NEDD4L: variants seen among roughly 807,000 people sequenced by gnomAD.
The protein encoded by NEDD4L is E3 ubiquitin-protein ligase NEDD4-like.
Under a neutral mutation model 148.9 loss-of-function variants are expected in NEDD4L, and 54 were observed. The observed-to-expected ratio is 0.36, with a 90% CI of 0.29 to 0.45. NEDD4L has a LOEUF of 0.45. NEDD4L is among the 20% of genes least tolerant of loss of function. NEDD4L has a pLI of 1.00. For synonymous variants in NEDD4L, 433 were observed against 440.7 expected (o/e 0.98, Z 0.22); for missense variants, 856 against 1,233.8 (o/e 0.69, Z 4.59).
chr18:58,152,411 T>C lies in NEDD4L; in HGVS notation c.49-13377T>C, dbSNP rs535838867. 9.5e-4 allele frequency among the ~76,000 whole-genome samples: 144 copies of C among 152,320 alleles called. 1 individual carries two copies. Among genetic ancestry groups the C allele is most frequent in the African/African-American group, 3.3e-3 (138 of 41,586 alleles). On this transcript the variant is annotated intron_variant, in intron 1 of 30. Coordinates refer to ENST00000400345, the MANE Select transcript of NEDD4L (RefSeq NM_001144967.3). ...GGTGGAGATAAAGATCTGGGAGATC[T>C]ACAGATACGGATCATCTGCATTTGG...
chr18:58,102,196 T>A (rs2145507432), intron 1 of NEDD4L, among the ~76,000 whole-genome samples: 1 of 152,336 alleles, frequency 6.6e-6, no homozygotes, highest in Middle Eastern at 3.4e-3. Flanking sequence ...TGCATTTGAA[T>A]ACATTTCCAT....
At chr18:58,142,040 CTTTTTTTTTTT>C (rs552184742) in intron 1 of NEDD4L, among the ~76,000 whole-genome samples, 6 of 41,858 alleles carry the variant, frequency 1.4e-4, no homozygotes, top group South Asian at 1.0e-3. Context: ...AAATTTCTTT[CTTTTTTTTTTT>C]TTTTTTTTTT....
intron 2 of NEDD4L, among the ~76,000 whole-genome samples, chr18:58,174,044 G>A (rs568125316): frequency 1.3e-3 from 197 of 152,312 alleles, no homozygotes; most frequent in Non-Finnish European, 2.4e-3. Flanking sequence ...GCTCACCTGT[G>A]TTATAGCTTG....
At chr18:58,188,741 A>T (rs749152188) in intron 2 of NEDD4L, among the ~76,000 whole-genome samples, 1 of 152,254 alleles carries the variant, frequency 6.6e-6, no homozygotes, top group Non-Finnish European at 1.5e-5. Context: ...AGCTAAGCAG[A>T]TGCATATTAA....
At position 58,323,252 on chromosome 18, in the gene NEDD4L, G is replaced by A; in HGVS notation, c.431G>A (p.Gly144Glu). The change falls in exon 8 of 31, where the codon GGA becomes GAA. Residue 144 changes from glycine (G) to glutamate (E), a missense_variant. Gly to Glu is a moderately conservative substitution (Grantham distance 98, BLOSUM62 -2). Transcript: ENST00000400345. ...TGCAGTCATAAGTCTCGAGTTAAGG[G>A]ATTTTTGCGATTGAAAATGGCCTAT... Reference protein sequence around the residue: ...RPRSHKSRVKGFLRLKMAYMP... With the variant: ...RPRSHKSRVKEFLRLKMAYMP... 6.2e-7 allele frequency: 1 copy of A among 1,602,650 alleles called. No individual in the cohort carries two copies. The highest frequency in any genetic ancestry group is 1.1e-5 in the South Asian group (1 of 88,680).
At chr18:58,342,578 C>A (rs1461207126) in intron 15 of NEDD4L, among the ~76,000 whole-genome samples, 1 of 152,166 alleles carries the variant, frequency 6.6e-6, no homozygotes, top group African/African-American at 2.4e-5. Flanking sequence ...CTTCATTAGA[C>A]TGTGAGCTCA....
At chr18:58,049,841 G>A (rs925097069) in intron 1 of NEDD4L, among the ~76,000 whole-genome samples, 5 of 151,738 alleles carry the variant, frequency 3.3e-5, no homozygotes, top group South Asian at 2.1e-4. Flanking sequence ...GCCAAACATG[G>A]CGGCACGTGC....
At position 58,401,246 on chromosome 18, in the gene NEDD4L, A is replaced by G. The variant is rs1333500812; in HGVS notation, c.*4977A>G. On this transcript the variant is annotated 3_prime_UTR_variant, in exon 31 of 31. Coordinates refer to ENST00000400345, the MANE Select transcript of NEDD4L (RefSeq NM_001144967.3). ...ACCTCCTAATAGGAAGCCAAGTACT[A>G]TTTGATACAGTGGTAAAAACCAAAC... 6.6e-6 allele frequency: 1 copy of G among 152,244 alleles called. No homozygotes were observed. Among genetic ancestry groups the G allele is most frequent in the Non-Finnish European group, 1.5e-5 (1 of 68,036 alleles). The allele number at this position is 152,244 out of a possible 1,614,324, so 9.4% of individuals were successfully genotyped here. A position where few individuals can be genotyped will look rare whatever the true frequency, so the allele number is the denominator to read the frequency against.
At chr18:58,226,597 T>G (rs12457076) in intron 2 of NEDD4L, among the ~76,000 whole-genome samples, 10,607 of 152,246 alleles carry the variant, frequency 0.07, 836 homozygotes, top group East Asian at 0.33. Flanking sequence ...TTTCTGAGCT[T>G]CTCAAGTGAG....
At chr18:58,264,255 A>T (rs2049893976) in intron 5 of NEDD4L, among the ~76,000 whole-genome samples, 1 of 152,104 alleles carries the variant, frequency 6.6e-6, no homozygotes, top group Non-Finnish European at 1.5e-5. Context: ...AAGGCTAAGG[A>T]CACAGCAATG....
chr18:58,255,966 C>A, intron 5 of NEDD4L: 1 of 1,230,754 alleles, frequency 8.1e-7, no homozygotes, highest in Non-Finnish European at 1.0e-6. Flanking sequence ...GGGTGCGGGC[C>A]GCCCGAGGGC....
intron 2 of NEDD4L, 116 bp from the exon 3 acceptor site, chr18:58,245,311 G>T (rs1347889175): frequency 3.6e-6 from 2 of 560,756 alleles, no homozygotes; most frequent in Non-Finnish European, 6.4e-6. Flanking sequence ...TGCTTAGTTT[G>T]TGGAAATAAT....
chr18:58,079,711 C>T (rs944538589), intron 1 of NEDD4L, among the ~76,000 whole-genome samples: 16 of 152,068 alleles, frequency 1.1e-4, no homozygotes, highest in African/African-American at 3.9e-4. Context: ...GTGTGAGGAA[C>T]CGGAGGGGTC....
intron 2 of NEDD4L, among the ~76,000 whole-genome samples, chr18:58,210,892 A>G (rs981741484): frequency 3.3e-5 from 5 of 152,234 alleles, no homozygotes; most frequent in Non-Finnish European, 5.9e-5. Context: ...AATGCACTAT[A>G]ATCAATAGTT....
At chr18:58,282,234 A>G (rs1258741471) in intron 5 of NEDD4L, among the ~76,000 whole-genome samples, 1 of 151,720 alleles carries the variant, frequency 6.6e-6, no homozygotes, top group Non-Finnish European at 1.5e-5. Context: ...GGTAACCAGT[A>G]GCATTTTCTA....
intron 1 of NEDD4L, among the ~76,000 whole-genome samples, chr18:58,103,920 A>G (rs1178374048): frequency 6.6e-6 from 1 of 152,266 alleles, no homozygotes; most frequent in Non-Finnish European, 1.5e-5. Context: ...CAAATTTCAC[A>G]TTAAAGGATC....
intron 22 of NEDD4L, among the ~76,000 whole-genome samples, chr18:58,369,458 T>C (rs2046542694): frequency 4.3e-5 from 2 of 46,522 alleles, no homozygotes; most frequent in Admixed American, 3.7e-4. Context: ...CAGGGCTCAT[T>C]CTGCACATCT....
Position 58,323,286 on chromosome 18 carries a change from A to G in NEDD4L, c.465A>G (p.Lys155=), listed in dbSNP as rs2149493238. 3 of 1,604,212 alleles carry G rather than the reference A, an allele frequency of 1.9e-6. No homozygotes were observed. In the East Asian group the frequency reaches 6.7e-5, roughly 36 times the overall value. The stretch of plus-strand genomic sequence containing the variant: ...GATTGAAAATGGCCTATATGCCAAA[A>G]AATGGAGGTCAAGATGAAGAAAACA... ...FLRLKMAYMP[K]NGGQDEENSD... is the part of the protein sequence containing the mutation. The change falls in exon 8 of 31, where the codon AAA becomes AAG. Residue 155 remains lysine (K), a synonymous_variant. Coordinates refer to ENST00000400345, the MANE Select transcript of NEDD4L (RefSeq NM_001144967.3).
chr18:58,095,441 C>T (rs1432317323), intron 1 of NEDD4L, among the ~76,000 whole-genome samples: 1 of 143,100 alleles, frequency 7.0e-6, no homozygotes, highest in African/African-American at 2.7e-5. Flanking sequence ...AAAGTCGTTG[C>T]TCCCACCGCG....
Sources: gnomAD v4.1 joint callset for allele counts (sites outside exome capture counted in the v4.1 genomes callset) on GRCh38, gnomAD v4.1.1 for gene constraint, MANE v1.5 for transcripts, NCBI Gene and HGNC (gene_info 2026-07-23, HGNC 2026-07-21) for gene names.